Variants in SIMC1 observed in about 807,000 individuals in gnomAD.
The protein encoded by SIMC1 is SUMO interacting motifs containing 1.
In SIMC1, 55 loss-of-function variants were observed where a neutral mutation model predicts 82.3. The observed-to-expected ratio is 0.67, with a 90% CI of 0.54 to 0.84. The LOEUF (loss-of-function observed/expected upper bound fraction) is 0.84, where lower values mean the gene tolerates loss of function less well. Ranked by LOEUF, SIMC1 falls within the 40% of genes least tolerant of loss-of-function variation. The pLI, the probability that SIMC1 is intolerant of heterozygous loss-of-function variation, is 0.00. For missense variants in SIMC1, 915 were observed against 1,107.2 expected (o/e 0.83, Z 2.46); for synonymous variants, 353 against 426.3 (o/e 0.83, Z 2.12).
chr5:176,296,328 C>A lies in SIMC1; in HGVS notation c.1734+8C>A. ...TATGTCATGGAGGAAGAGGTAACAA[C>A]AATTATAAGATTATATCTTCTGTAG... On this transcript the variant is annotated splice_region_variant and intron_variant, in intron 4 of 9. Transcript: ENST00000429602. The A allele has an allele frequency of 6.2e-7, 1 of 1,613,014 alleles. No individual in the cohort carries two copies. Among genetic ancestry groups the A allele is most frequent in the East Asian group, 2.2e-5 (1 of 44,866 alleles).
intron 1 of SIMC1, among the ~76,000 whole-genome samples, chr5:176,251,884 G>A (rs1033209044): frequency 2.7e-5 from 4 of 150,020 alleles, no homozygotes; most frequent in Non-Finnish European, 4.4e-5. Flanking sequence ...GTTTCAGAGA[G>A]CACAGGGTTG....
chr5:176,279,452 G>C (rs1403893220), intron 1 of SIMC1, among the ~76,000 whole-genome samples: 1 of 151,928 alleles, frequency 6.6e-6, no homozygotes, highest in Non-Finnish European at 1.5e-5. Flanking sequence ...TTCTTGAAGG[G>C]TTTTTTGTGT....
chr5:176,343,228 ATT>A, intron 9 of SIMC1, among the ~76,000 whole-genome samples: 1 of 152,320 alleles, frequency 6.6e-6, no homozygotes, highest in African/African-American at 2.4e-5. Context: ...ACTTAAAATG[ATT>A]TGTTCTGTGT....
At chr5:176,270,541 GT>G (rs1232806210) in intron 1 of SIMC1, 1 of 152,118 alleles carries the variant, frequency 6.6e-6, no homozygotes, top group East Asian at 1.9e-4. Context: ...ACAGTACCTG[GT>G]TTTAACATAT....
At chr5:176,341,241 G>A (rs1202774750) in intron 9 of SIMC1, among the ~76,000 whole-genome samples, 1 of 152,216 alleles carries the variant, frequency 6.6e-6, no homozygotes, top group Non-Finnish European at 1.5e-5. Flanking sequence ...ATGTCCAAGG[G>A]CCTTGAGGCA....
At chr5:176,330,995 A>G (rs2113392853) in intron 7 of SIMC1, among the ~76,000 whole-genome samples, 1 of 152,282 alleles carries the variant, frequency 6.6e-6, no homozygotes, top group South Asian at 2.1e-4. Context: ...GAACAACAAA[A>G]CACCATTTTT....
In SIMC1 at chr5:176,295,240, A is replaced by G. The variant is rs7736723; in HGVS notation, c.1642A>G (p.Met548Val). The change falls in exon 3 of 10, where the codon ATG (methionine) becomes GTG (valine). Residue 548 changes from methionine to valine, a missense_variant. Met to Val is a conservative substitution (Grantham distance 21, BLOSUM62 1). Transcript: ENST00000429602. Reference sequence around the variant, plus strand: ...TGTGGATGTCCTAAAGGAGGCCTACATGCTTCTCATGAAAATTCAACAGTA... The same window carrying G: ...TGTGGATGTCCTAAAGGAGGCCTACGTGCTTCTCATGAAAATTCAACAGTA... ...ETVDVLKEAY[M>V]LLMKIQQLHP... 5,583 of 1,612,818 alleles carry G rather than the reference A, an allele frequency of 3.5e-3. 174 individuals are homozygous for G. In the African/African-American group the frequency reaches 0.064, roughly 19 times the overall value.
intron 4 of SIMC1, among the ~76,000 whole-genome samples, chr5:176,299,308 C>T (rs1763943882): frequency 6.6e-6 from 1 of 151,580 alleles, no homozygotes; most frequent in African/African-American, 2.4e-5. Flanking sequence ...TGGGAGGATC[C>T]CGTGAGCCCA....
In SIMC1 at chr5:176,318,373, A is replaced by T. The variant is rs1260398133; in HGVS notation, c.1890-3900A>T. On this transcript the variant is annotated intron_variant, in intron 5 of 9. Coordinates refer to ENST00000429602, the MANE Select transcript of SIMC1 (RefSeq NM_001308195.2). ...CTTAGGTTCCCTGCCTCCAGACCCT[A>T]TTTTCTTGCCTCAGTTGGTCTCAAT... Among the ~76,000 whole-genome samples the T allele has an allele frequency of 2.6e-5, 4 of 152,054 alleles. No homozygotes were observed. The East Asian group carries it at 7.7e-4, about 29-fold the overall frequency.
chr5:176,270,383 C>A (rs1455107166), intron 1 of SIMC1: 1 of 152,006 alleles, frequency 6.6e-6, no homozygotes, highest in African/African-American at 2.4e-5. Context: ...GAAATTCTTT[C>A]TTTTAAGTTC....
intron 1 of SIMC1, among the ~76,000 whole-genome samples, chr5:176,286,102 C>G (rs550692693): frequency 1.2e-3 from 182 of 152,404 alleles, no homozygotes; most frequent in Non-Finnish European, 2.3e-3. Context: ...ATGAAGCTAC[C>G]AATGACTTTC....
intron 6 of SIMC1, 138 bp downstream of exon 6, chr5:176,322,563 T>TTC (rs1331628082): frequency 4.6e-6 from 5 of 1,081,598 alleles, no homozygotes; most frequent in African/African-American, 1.6e-5. Context: ...AAGACTTAGT[T>TTC]TAACTAGAGG....
rs568267280 is a variant in SIMC1, at chr5:176,297,960, T to C, written c.1734+1640T>C. Among the ~76,000 whole-genome samples the C allele has an allele frequency of 1.6e-3, 239 of 152,160 alleles. 2 individuals are homozygous for C. The highest frequency in any genetic ancestry group is 2.7e-3 in the Non-Finnish European group (186 of 68,012). On this transcript the variant is annotated intron_variant, in intron 4 of 9. Coordinates refer to ENST00000429602, the MANE Select transcript of SIMC1 (RefSeq NM_001308195.2). ...GCAGTTAGTCCAGATAGGAGTGAAA[T>C]AACAGAGGGCTTTAAATAGGAACAA...
intron 1 of SIMC1, among the ~76,000 whole-genome samples, chr5:176,281,808 C>T (rs780117174): frequency 6.6e-6 from 1 of 152,264 alleles, no homozygotes; most frequent in African/African-American, 2.4e-5. Context: ...CAGAGGAGTA[C>T]CCGGCCGTGT....
At chr5:176,273,481 G>A (rs185639768) in intron 1 of SIMC1, among the ~76,000 whole-genome samples, 5 of 152,206 alleles carry the variant, frequency 3.3e-5, no homozygotes, top group African/African-American at 1.2e-4. Flanking sequence ...AAGATGGGGA[G>A]AAACCAGAGC....
At chr5:176,306,044 G>GC (rs1185011658) in intron 4 of SIMC1, among the ~76,000 whole-genome samples, 1 of 64,488 alleles carries the variant, frequency 1.6e-5, no homozygotes, top group African/African-American at 6.1e-5. Flanking sequence ...GGGGGGGTCA[G>GC]CCCCCCCGCC....
At chr5:176,296,473 G>A (rs1291407058) in intron 4 of SIMC1, 153 bp downstream of exon 4, 8 of 1,183,082 alleles carry the variant, frequency 6.8e-6, no homozygotes, top group African/African-American at 1.5e-5. Context: ...AGGCCAGCCT[G>A]GGCAACAAAA....
In SIMC1 at chr5:176,259,593, C is replaced by G. The variant is rs184731037; in HGVS notation, c.129+20956C>G. Among the ~76,000 whole-genome samples the G allele has an allele frequency of 2.2e-3, 337 of 152,268 alleles. 1 individual carries two copies. In the Middle Eastern group the frequency reaches 0.031, roughly 14 times the overall value. On this transcript the variant is annotated intron_variant, in intron 1 of 9. Coordinates refer to ENST00000429602, the MANE Select transcript of SIMC1 (RefSeq NM_001308195.2). ...TTCGAGACCAGCCTGGCCAACATGG[C>G]GAAACCCTGTCCCTACTAAAAATAC... is the stretch of plus-strand genomic sequence containing the variant.
chr5:176,273,287 C>T (rs1268261514), intron 1 of SIMC1, among the ~76,000 whole-genome samples: 1 of 152,196 alleles, frequency 6.6e-6, no homozygotes, highest in African/African-American at 2.4e-5. Context: ...ATTCACTGTT[C>T]TGCAGCCTCT....
Sources: allele counts gnomAD v4.1 joint callset (sites outside exome capture counted in the v4.1 genomes callset), GRCh38; gene constraint gnomAD v4.1.1; transcripts MANE v1.5; gene names NCBI Gene and HGNC (gene_info 2026-07-23, HGNC 2026-07-21).